Variants in STK38 observed in about 807,000 individuals in gnomAD.
STK38 encodes the protein serine/threonine kinase 38.
In STK38, 26 loss-of-function variants were observed where a neutral mutation model predicts 59.0. The observed-to-expected ratio is 0.44, with a 90% CI of 0.32 to 0.61. The LOEUF (loss-of-function observed/expected upper bound fraction) is 0.61. Ranked by LOEUF, STK38 falls within the 20% of genes least tolerant of loss-of-function variation. STK38 has a pLI of 0.04. For synonymous variants in STK38, 175 were observed against 176.6 expected (o/e 0.99, Z 0.07); for missense variants, 433 against 566.0 (o/e 0.76, Z 2.38).
At chr6:36,504,346 T>C (rs1776909982) in intron 9 of STK38, among the ~76,000 whole-genome samples, 1 of 152,240 alleles carries the variant, frequency 6.6e-6, no homozygotes, top group Non-Finnish European at 1.5e-5. Flanking sequence ...CTACTTTTTT[T>C]AGTGATTCCC....
intron 7 of STK38, among the ~76,000 whole-genome samples, chr6:36,513,057 T>TC (rs1406235832): frequency 6.6e-6 from 1 of 151,982 alleles, no homozygotes; most frequent in Non-Finnish European, 1.5e-5. Context: ...TCTTGCTCTG[T>TC]CCCCCAGGCT....
chr6:36,522,382 G>C (rs1777398240), intron 4 of STK38: 1 of 152,470 alleles, frequency 6.6e-6, no homozygotes, highest in African/African-American at 2.4e-5. Flanking sequence ...CTAAGGAAGG[G>C]CAAACAGGCC....
At chr6:36,496,090 G>A (rs888184505) in intron 13 of STK38, among the ~76,000 whole-genome samples, 176 bp from the exon 14 acceptor site, 6 of 149,884 alleles carry the variant, frequency 4.0e-5, no homozygotes, top group Non-Finnish European at 8.9e-5. Flanking sequence ...CTGTCGCCAG[G>A]CTGGAGTGCA....
chr6:36,542,917 C>A (rs1183087880), intron 1 of STK38, among the ~76,000 whole-genome samples: 1 of 151,888 alleles, frequency 6.6e-6, no homozygotes, highest in Non-Finnish European at 1.5e-5. Flanking sequence ...CTGCACTCCA[C>A]CTGGGTGACA....
intron 4 of STK38, among the ~76,000 whole-genome samples, chr6:36,523,423 C>A (rs925634842): frequency 6.6e-6 from 1 of 151,864 alleles, no homozygotes; most frequent in African/African-American, 2.4e-5. Flanking sequence ...CCACCACACC[C>A]GGCTAATTTT....
Position 36,544,449 on chromosome 6 carries a change from G to A in STK38, c.-6+2741C>T, listed in dbSNP as rs1778013254. The stretch of plus-strand genomic sequence containing the variant: ...AATGAAAACCACATGCACTCTAAGT[G>A]TGTTTGGTGAAGAAATTTAAAAACC... On this transcript the variant is annotated intron_variant, in intron 1 of 13. Transcript: ENST00000229812. Among the ~76,000 whole-genome samples the A allele has an allele frequency of 3.3e-5, 5 of 152,140 alleles. No individual in the cohort carries two copies. The South Asian group carries it at 1.0e-3, about 32-fold the overall frequency.
intron 7 of STK38, among the ~76,000 whole-genome samples, chr6:36,510,060 G>A (rs183035522): frequency 6.6e-6 from 1 of 152,304 alleles, no homozygotes; most frequent in East Asian, 1.9e-4. Context: ...TGACAGCTTG[G>A]CCCTCAGGCT....
At chr6:36,530,711 A>T in intron 2 of STK38, among the ~76,000 whole-genome samples, 1 of 132,148 alleles carries the variant, frequency 7.6e-6, no homozygotes. Context: ...TTTTTTGGAG[A>T]CAAGAGTCTA....
chr6:36,527,300 G>A (rs1407083641), intron 2 of STK38, among the ~76,000 whole-genome samples: 2 of 134,238 alleles, frequency 1.5e-5, no homozygotes, highest in Non-Finnish European at 3.1e-5. Flanking sequence ...ATACACATAT[G>A]TATATACGTA....
In STK38 at chr6:36,496,812, A is replaced by G. The variant is rs760757298; in HGVS notation, c.1173-7T>C. The G allele has an allele frequency of 3.7e-6, 6 of 1,603,376 alleles. No homozygotes were observed. Among genetic ancestry groups the G allele is most frequent in the African/African-American group, 1.3e-5 (1 of 74,632 alleles). On this transcript the variant is annotated splice_polypyrimidine_tract_variant and splice_region_variant and intron_variant, in intron 12 of 13. Transcript: ENST00000229812. ...TATTGCAGCAGGTCTCTCTCTGCCA[A>G]GAATACACATGCCAAAAATTACTAA...
chr6:36,498,227 C>T (rs1776752731), intron 11 of STK38, 136 bp downstream of exon 11: 2 of 1,265,700 alleles, frequency 1.6e-6, no homozygotes, highest in Admixed American at 4.6e-5. Flanking sequence ...CCACCATGCA[C>T]AGCCTTTTTA....
At chr6:36,543,676 C>T (rs926069349) in intron 1 of STK38, among the ~76,000 whole-genome samples, 1 of 152,092 alleles carries the variant, frequency 6.6e-6, no homozygotes, top group Non-Finnish European at 1.5e-5. Context: ...GAGTCTCACT[C>T]TGTCGCCCAG....
chr6:36,517,705 T>G lies in STK38; in HGVS notation c.514+12A>C. On this transcript the variant is annotated intron_variant, in intron 6 of 13. Transcript: ENST00000229812. ...AAAAAGAAAAAATGACCTTTCATCG[T>G]CAAGTAATTACCTCCAGGCAGGAAC... 6.2e-7 allele frequency: 1 copy of G among 1,610,984 alleles called. No homozygotes were observed. The highest frequency in any genetic ancestry group is 8.5e-7 in the Non-Finnish European group (1 of 1,178,334).
intron 1 of STK38, among the ~76,000 whole-genome samples, chr6:36,541,397 T>TA (rs1386460356): frequency 8.0e-5 from 12 of 150,742 alleles, no homozygotes; most frequent in Non-Finnish European, 1.3e-4. Flanking sequence ...TAGTGAGACC[T>TA]AAAAAAAAAT....
intron 5 of STK38, among the ~76,000 whole-genome samples, chr6:36,520,619 C>G (rs1379969264): frequency 2.0e-5 from 3 of 152,282 alleles, no homozygotes; most frequent in South Asian, 2.1e-4. Flanking sequence ...CACACCCATA[C>G]CACACACTAA....
At chr6:36,526,316 C>T (rs531046002) in intron 2 of STK38, among the ~76,000 whole-genome samples, 14 of 151,420 alleles carry the variant, frequency 9.2e-5, no homozygotes, top group African/African-American at 3.4e-4. Context: ...TTCTTTCCCT[C>T]TCTCTGACTG....
At chr6:36,503,785 G>C (rs1442743601) in intron 9 of STK38, among the ~76,000 whole-genome samples, 1 of 149,130 alleles carries the variant, frequency 6.7e-6, no homozygotes, top group Non-Finnish European at 1.5e-5. Context: ...GCTCAAACCT[G>C]TGAAGGTAAA....
intron 9 of STK38, among the ~76,000 whole-genome samples, chr6:36,501,466 A>G (rs1776837231): frequency 6.6e-6 from 1 of 152,136 alleles, no homozygotes. Flanking sequence ...ACAAACATAC[A>G]GAAAAAAGGA....
intron 13 of STK38, among the ~76,000 whole-genome samples, chr6:36,496,323 T>A (rs1479132444): frequency 6.6e-6 from 1 of 152,218 alleles, no homozygotes; most frequent in Non-Finnish European, 1.5e-5. Context: ...GTTTCAGGCA[T>A]GAGCCACCGC....
Sources: gnomAD v4.1 joint callset for allele counts (sites outside exome capture counted in the v4.1 genomes callset) on GRCh38, gnomAD v4.1.1 for gene constraint, MANE v1.5 for transcripts, NCBI Gene and HGNC (gene_info 2026-07-23, HGNC 2026-07-21) for gene names.